Variants in RIMBP2 observed in about 807,000 individuals in gnomAD.
The protein encoded by RIMBP2 is RIMS-binding protein 2.
RIMBP2 carries 48 observed loss-of-function variants against 118.6 expected under a neutral mutation model. The observed-to-expected ratio is 0.40, with a 90% CI of 0.32 to 0.51. The LOEUF (loss-of-function observed/expected upper bound fraction) is 0.51, where lower values mean the gene tolerates loss of function less well. Ranked by LOEUF, RIMBP2 falls within the 20% of genes least tolerant of loss-of-function variation. The pLI is 0.41. For synonymous variants in RIMBP2, 762 were observed against 742.9 expected (o/e 1.03, Z -0.42); for missense variants, 1,551 against 1,768.3 (o/e 0.88, Z 2.20).
intron 20 of RIMBP2, 62 bp from the exon 21 acceptor site, chr12:130,406,305 A>T (rs2075169328): frequency 8.9e-7 from 1 of 1,129,870 alleles, no homozygotes; most frequent in African/African-American, 1.6e-5. Context: ...GTTTTTTAAA[A>T]ATAAGTTCTC....
At chr12:130,594,608 T>C (rs1430769227) in intron 2 of RIMBP2, among the ~76,000 whole-genome samples, 7 of 152,076 alleles carry the variant, frequency 4.6e-5, no homozygotes, top group Admixed American at 4.6e-4. Flanking sequence ...ATTTATGAAT[T>C]TGTGTTGGGC....
chr12:130,692,323 C>T (rs1156850597), intron 1 of RIMBP2, among the ~76,000 whole-genome samples: 2 of 152,144 alleles, frequency 1.3e-5, no homozygotes, highest in African/African-American at 2.4e-5. Flanking sequence ...TTGATTCCAT[C>T]CTCTCCCCTA....
intron 1 of RIMBP2, among the ~76,000 whole-genome samples, chr12:130,684,545 G>A (rs1173618475): frequency 6.6e-6 from 1 of 152,222 alleles, no homozygotes; most frequent in African/African-American, 2.4e-5. Flanking sequence ...GCATTTTTAG[G>A]AGGTGAGGTG....
Position 130,469,334 on chromosome 12 carries a change from C to T in RIMBP2, c.153+1359G>A, listed in dbSNP as rs1162288302. Among the ~76,000 whole-genome samples the T allele has an allele frequency of 1.3e-5, 2 of 152,176 alleles. No homozygotes were observed. Among genetic ancestry groups the T allele is most frequent in the Non-Finnish European group, 2.9e-5 (2 of 68,040 alleles). ...ACCAGCAGCACGGGGTGACAGGTGACAGCGGGATCATGGTGGAGCAGTCCC... is the reference window on the plus strand; with the variant it reads ...ACCAGCAGCACGGGGTGACAGGTGATAGCGGGATCATGGTGGAGCAGTCCC... On this transcript the variant is annotated intron_variant, in intron 6 of 22. Coordinates refer to ENST00000690449, the MANE Select transcript of RIMBP2 (RefSeq NM_001393629.1). The surrounding 1 kb of genome is among the most constrained non-coding windows in gnomAD (Gnocchi z 4.8).
chr12:130,636,169 G>A (rs1192024540), intron 1 of RIMBP2, among the ~76,000 whole-genome samples: 1 of 152,138 alleles, frequency 6.6e-6, no homozygotes, highest in African/African-American at 2.4e-5. Context: ...AATGAGGCTG[G>A]TCTATACTCC....
chr12:130,649,434 C>T (rs1340053750), intron 1 of RIMBP2, among the ~76,000 whole-genome samples: 4 of 152,204 alleles, frequency 2.6e-5, no homozygotes, highest in Non-Finnish European at 5.9e-5. Flanking sequence ...GCGGCGCCTT[C>T]CCCCGACTCA....
intron 2 of RIMBP2, among the ~76,000 whole-genome samples, chr12:130,587,277 C>A (rs1169964171): frequency 2.9e-5 from 3 of 104,826 alleles, no homozygotes; most frequent in Non-Finnish European, 5.6e-5. Context: ...GTGGCGATTC[C>A]TCAGGGATCT....
In RIMBP2 at chr12:130,670,950, G is replaced by A. The variant is rs2064168793; in HGVS notation, c.-351-42494C>T. On this transcript the variant is annotated intron_variant, in intron 1 of 22. Transcript: ENST00000690449. This position sits in a 1 kb window ranked among gnomAD's most constrained non-coding sequence, Gnocchi z 4.9. ...CAGTACGTCTCTTTTAGTAGACACG[G>A]GGTTTCACCATGTTGGCCAGGCTGG... is the stretch of plus-strand genomic sequence containing the variant. Among the ~76,000 whole-genome samples the A allele has an allele frequency of 6.6e-6, 1 of 152,116 alleles. No homozygotes were observed.
intron 4 of RIMBP2, among the ~76,000 whole-genome samples, chr12:130,487,872 G>A (rs1430098546): frequency 2.6e-5 from 4 of 151,986 alleles, no homozygotes; most frequent in Admixed American, 1.3e-4. Context: ...TCTGTCCCAC[G>A]CCCCCAGCCC....
intron 2 of RIMBP2, among the ~76,000 whole-genome samples, chr12:130,556,401 T>C (rs2056359344): frequency 6.6e-6 from 1 of 152,238 alleles, no homozygotes; most frequent in Non-Finnish European, 1.5e-5. Flanking sequence ...CTAAGATAAA[T>C]GATTGGAACT....
rs528087212 is a variant in RIMBP2 at position 130,650,039 on chromosome 12, AC to A, written c.-351-21584del. On this transcript the variant is annotated intron_variant, in intron 1 of 22. Transcript: ENST00000690449. The stretch of plus-strand genomic sequence containing the variant: ...ATATTGTTGAAGCTGAAAAAAAAAA[AC>A]CAAACCTGAGGACCTGCTCCTCCAG... Among the ~76,000 whole-genome samples, 876 of 151,762 alleles carry A rather than the reference AC, an allele frequency of 5.8e-3. 5 individuals are homozygous for A. The highest frequency in any genetic ancestry group is 0.032 in the South Asian group (152 of 4,784).
rs568616554 is a variant in RIMBP2, at chr12:130,623,413, C to T, written c.-217+4909G>A. ...GCCCTAATGCTCCCCCTCCCCTTGC[C>T]CCCACCCCCTGAAGTAGAGGCACAT... On this transcript the variant is annotated intron_variant, in intron 2 of 22. Transcript: ENST00000690449. This position sits in a 1 kb window ranked among gnomAD's most constrained non-coding sequence, Gnocchi z 4.1. Among the ~76,000 whole-genome samples the T allele has an allele frequency of 1.3e-5, 2 of 152,116 alleles. No individual in the cohort carries two copies. Among genetic ancestry groups the T allele is most frequent in the South Asian group, 4.2e-4 (2 of 4,794 alleles).
At chr12:130,460,157 G>A (rs970936852) in intron 6 of RIMBP2, among the ~76,000 whole-genome samples, 1 of 152,146 alleles carries the variant, frequency 6.6e-6, no homozygotes, top group Non-Finnish European at 1.5e-5. Context: ...CACAGGGGCC[G>A]CTGTGTCATC....
rs2076363459 is a variant in RIMBP2 at position 130,420,812 on chromosome 12, C to T, written c.3238+1641G>A. 1 of 152,154 alleles carries T rather than the reference C, an allele frequency of 6.6e-6. No homozygotes were observed. The highest frequency in any genetic ancestry group is 2.4e-5 in the African/African-American group (1 of 41,434). The allele number at this position is 152,154 out of a possible 1,614,324, so 9.4% of individuals were successfully genotyped here. On this transcript the variant is annotated intron_variant, in intron 17 of 22. Coordinates refer to ENST00000690449, the MANE Select transcript of RIMBP2 (RefSeq NM_001393629.1). This position sits in a 1 kb window ranked among gnomAD's most constrained non-coding sequence, Gnocchi z 4.3. ...GCCCAGGGTTGGTTTTCTTGGACTT[C>T]CTGGCTCAAGTGCTGATTTGTCACA...
chr12:130,664,407 G>GCACACGCACGCACACACGCACACA (rs1171293233), intron 1 of RIMBP2, among the ~76,000 whole-genome samples: 7 of 86,126 alleles, frequency 8.1e-5, no homozygotes, highest in African/African-American at 2.8e-4. Flanking sequence ...ACGCACGCAC[G>GCACACGCACGCACACACGCACACA]CACGCACACA....
chr12:130,560,989 C>T (rs1399314205), intron 2 of RIMBP2, among the ~76,000 whole-genome samples: 2 of 152,198 alleles, frequency 1.3e-5, no homozygotes, highest in East Asian at 3.9e-4. Flanking sequence ...CTTAATATGA[C>T]TACAGTCCTT....
At chr12:130,545,951 G>A (rs766593925) in intron 2 of RIMBP2, among the ~76,000 whole-genome samples, 8 of 152,142 alleles carry the variant, frequency 5.3e-5, no homozygotes, top group Admixed American at 2.6e-4. Context: ...CATTCTCAGC[G>A]CAGTAGGGAA....
chr12:130,624,776 G>A lies in RIMBP2; in HGVS notation c.-217+3546C>T, dbSNP rs1168345891. Among the ~76,000 whole-genome samples, 3 of 152,194 alleles carry A rather than the reference G, an allele frequency of 2.0e-5. No homozygotes were observed. In the East Asian group the frequency reaches 5.8e-4, roughly 29 times the overall value. On this transcript the variant is annotated intron_variant, in intron 2 of 22. Coordinates refer to ENST00000690449, the MANE Select transcript of RIMBP2 (RefSeq NM_001393629.1). ...GTCTTGCGCTGTTGCCCAGAATGGA[G>A]TGTCATGGCACTATCTCAGCTTACT...
intron 16 of RIMBP2, among the ~76,000 whole-genome samples, chr12:130,423,152 T>G (rs1481807279): frequency 6.6e-6 from 1 of 152,208 alleles, no homozygotes; most frequent in Admixed American, 6.5e-5. Flanking sequence ...AATTCACCTT[T>G]AGATCAGGGT....
Sources: gnomAD v4.1 joint callset for allele counts (sites outside exome capture counted in the v4.1 genomes callset) on GRCh38, gnomAD v4.1.1 for gene constraint, Gnocchi (gnomAD v3.1) non-coding constraint, MANE v1.5 for transcripts, NCBI Gene and HGNC (gene_info 2026-07-23, HGNC 2026-07-21) for gene names.